Variants in STRIP2 observed in about 807,000 individuals in gnomAD.
The protein encoded by STRIP2 is striatin-interacting protein 2.
In STRIP2, 84 loss-of-function variants were observed where a neutral mutation model predicts 107.1. The ratio of observed to expected loss-of-function variants is 0.78; its 90% confidence interval spans 0.66 to 0.94. The LOEUF is 0.94. Ranked by LOEUF, STRIP2 falls within the 40% of genes least tolerant of loss-of-function variation. The probability of loss-of-function intolerance (pLI) is 0.00; values close to 1 mark genes in which losing one functional copy is unlikely to be tolerated. For synonymous variants in STRIP2, 394 were observed against 400.4 expected (o/e 0.98, Z 0.19); for missense variants, 888 against 1,034.2 (o/e 0.86, Z 1.94).
chr7:129,467,442 C>CA lies in STRIP2; in HGVS notation c.1874dup (p.Asn625LysfsTer22). The CA allele has an allele frequency of 6.2e-7, 1 of 1,611,548 alleles. No homozygotes were observed. The highest frequency in any genetic ancestry group is 8.5e-7 in the Non-Finnish European group (1 of 1,178,526). On this transcript the variant is annotated frameshift_variant, in exon 17 of 21. Transcript: ENST00000249344. LOFTEE classifies it high-confidence loss of function. ...AAAATATCTTGTCATACATCACTGC[C>CA]AAAAACAGGTATGAACTCTGGACAG...
In STRIP2 at chr7:129,454,136, T is replaced by A. The variant is rs757400568; in HGVS notation, c.531-6T>A. ...CATTCCTGTTCTTTTTCTCCTCCCC[T>A]GGCAGCAACAGCCAGGCCTGTAGCA... On this transcript the variant is annotated splice_polypyrimidine_tract_variant and splice_region_variant and intron_variant, in intron 5 of 20. Coordinates refer to ENST00000249344, the MANE Select transcript of STRIP2 (RefSeq NM_020704.3). 2.5e-6 allele frequency: 4 copies of A among 1,613,890 alleles called. No individual in the cohort carries two copies. The highest frequency in any genetic ancestry group is 3.4e-6 in the Non-Finnish European group (4 of 1,179,950).
intron 2 of STRIP2, among the ~76,000 whole-genome samples, chr7:129,440,883 G>A (rs903022625): frequency 6.6e-6 from 1 of 152,158 alleles, no homozygotes; most frequent in Non-Finnish European, 1.5e-5. Flanking sequence ...TCAGAGAAAA[G>A]AGACAAACAA....
At position 129,485,676 on chromosome 7, in the gene STRIP2, C is replaced by T. The variant is rs758939210; in HGVS notation, c.2352C>T (p.Asp784=). 5 of 1,614,074 alleles carry T rather than the reference C, an allele frequency of 3.1e-6. No homozygotes were observed. The highest frequency in any genetic ancestry group is 2.2e-5 in the East Asian group (1 of 44,864). The change falls in exon 21 of 21, where the codon GAC becomes GAT. Residue 784 remains aspartate (D), a synonymous_variant. Transcript: ENST00000249344. ...GCCGTCGCTATGACAGACCCCAGGA[C>T]TCTGAGTTTTCACCTGTGGATAACT... ...FNSRRYDRPQ[D]SEFSPVDNCL...
At chr7:129,456,102 T>C (rs1368190390) in intron 8 of STRIP2, among the ~76,000 whole-genome samples, 1 of 147,350 alleles carries the variant, frequency 6.8e-6, no homozygotes, top group Non-Finnish European at 1.5e-5. Context: ...TGGGGGTTTA[T>C]AGCACCTGGA....
At chr7:129,476,352 C>T (rs1366661883) in intron 18 of STRIP2, among the ~76,000 whole-genome samples, 1 of 140,552 alleles carries the variant, frequency 7.1e-6, no homozygotes. Context: ...GGGCGGCTGC[C>T]GGGCGGAGGG....
intron 18 of STRIP2, among the ~76,000 whole-genome samples, chr7:129,476,780 G>C (rs1172988488): frequency 6.6e-6 from 1 of 150,928 alleles, no homozygotes; most frequent in Non-Finnish European, 1.5e-5. Context: ...GGTGGCGGCC[G>C]GGCAGAGGCT....
chr7:129,455,438 A>C (rs1433163485), intron 8 of STRIP2, 67 bp downstream of exon 8: 8 of 1,549,058 alleles, frequency 5.2e-6, no homozygotes, highest in Non-Finnish European at 7.0e-6. Context: ...AGTTTCTTCT[A>C]GTCTCATTCC....
chr7:129,482,815 T>G, intron 19 of STRIP2, 27 bp from the exon 20 acceptor site: 2 of 1,611,066 alleles, frequency 1.2e-6, no homozygotes, highest in Non-Finnish European at 8.5e-7. Flanking sequence ...CGTTAGATCT[T>G]TACCCCACCC....
rs1037788383 is a variant in STRIP2, at chr7:129,487,336, CAT to C, written c.*1508_*1509del. ...AGCCTCTTCAAGCTTTTTTACTATACATGTTGCCCCTCTCCCCCAACTTAGGC... is the reference window on the plus strand; with the variant it reads ...AGCCTCTTCAAGCTTTTTTACTATACGTTGCCCCTCTCCCCCAACTTAGGC... On this transcript the variant is annotated 3_prime_UTR_variant, in exon 21 of 21. Coordinates refer to ENST00000249344, the MANE Select transcript of STRIP2 (RefSeq NM_020704.3). 6.6e-6 allele frequency: 1 copy of C among 152,048 alleles called. No homozygotes were observed. The highest frequency in any genetic ancestry group is 1.5e-5 in the Non-Finnish European group (1 of 68,004). The allele number at this position is 152,048 out of a possible 1,614,324, so 9.4% of individuals were successfully genotyped here. A position where few individuals can be genotyped will look rare whatever the true frequency, so the allele number is the denominator to read the frequency against.
intron 3 of STRIP2, among the ~76,000 whole-genome samples, chr7:129,445,997 C>T (rs1251239320): frequency 6.6e-6 from 1 of 152,172 alleles, no homozygotes; most frequent in African/African-American, 2.4e-5. Flanking sequence ...TGGCTGATCA[C>T]CCTGAGGAAT....
At chr7:129,464,212 C>A in intron 15 of STRIP2, 71 bp downstream of exon 15, 1 of 1,153,172 alleles carries the variant, frequency 8.7e-7, no homozygotes, top group Non-Finnish European at 1.3e-6. Context: ...AGTCCCCACT[C>A]ACCTTGTTAA....
At chr7:129,482,679 C>G (rs1004605861) in intron 19 of STRIP2, among the ~76,000 whole-genome samples, 163 bp from the exon 20 acceptor site, 1 of 151,956 alleles carries the variant, frequency 6.6e-6, no homozygotes, top group Non-Finnish European at 1.5e-5. Context: ...TGCCCAGCCC[C>G]CCTCTATATT....
chr7:129,460,492 G>A, intron 13 of STRIP2, 120 bp downstream of exon 13: 1 of 839,488 alleles, frequency 1.2e-6, no homozygotes, highest in Non-Finnish European at 2.0e-6. Flanking sequence ...TTCCAGGCAA[G>A]ACAAGGTCCC....
chr7:129,434,793 G>T (rs755298430), intron 1 of STRIP2, among the ~76,000 whole-genome samples, 192 bp downstream of exon 1: 1 of 152,242 alleles, frequency 6.6e-6, no homozygotes, highest in Non-Finnish European at 1.5e-5. Context: ...GTCTCCTGCC[G>T]CGGGTTGGGG....
At chr7:129,438,848 G>A (rs2150985341) in intron 1 of STRIP2, among the ~76,000 whole-genome samples, 1 of 152,262 alleles carries the variant, frequency 6.6e-6, no homozygotes, top group South Asian at 2.1e-4. Flanking sequence ...TTATTATAAA[G>A]GATATGACTC....
intron 2 of STRIP2, among the ~76,000 whole-genome samples, chr7:129,443,511 A>G (rs574413448): frequency 6.9e-4 from 105 of 152,268 alleles, no homozygotes; most frequent in Non-Finnish European, 1.3e-3. Context: ...CTAAACTTCT[A>G]TACCCTTTGA....
intron 19 of STRIP2, among the ~76,000 whole-genome samples, chr7:129,482,368 T>C (rs1799142963): frequency 8.9e-5 from 9 of 101,118 alleles, no homozygotes; most frequent in South Asian, 3.6e-4. Flanking sequence ...TATATATATA[T>C]ATATATATAT....
In STRIP2 at chr7:129,458,523, A is replaced by G. The variant is rs377567934; in HGVS notation, c.1274+73A>G. 33 of 1,358,982 alleles carry G rather than the reference A, an allele frequency of 2.4e-5. No homozygotes were observed. The African/African-American group carries it at 3.1e-4, about 13-fold the overall frequency. The allele number at this position is 1,358,982 out of a possible 1,614,324, so 84.2% of individuals were successfully genotyped here. On this transcript the variant is annotated intron_variant, in intron 10 of 20. Coordinates refer to ENST00000249344, the MANE Select transcript of STRIP2 (RefSeq NM_020704.3). The surrounding 1 kb of genome is among the most constrained non-coding windows in gnomAD (Gnocchi z 4.6). The stretch of plus-strand genomic sequence containing the variant: ...CCAAAGGCCCAAGATGGGGTAGTCT[A>G]TGTATTCAAGGCTCGTTAAGTTGGT...
At chr7:129,438,898 G>A (rs1312401710) in intron 1 of STRIP2, among the ~76,000 whole-genome samples, 2 of 152,194 alleles carry the variant, frequency 1.3e-5, no homozygotes, top group Non-Finnish European at 2.9e-5. Flanking sequence ...GACGAAGTAT[G>A]GGTTTGGGGT....
Sources: gnomAD v4.1 joint callset for allele counts (sites outside exome capture counted in the v4.1 genomes callset) on GRCh38, gnomAD v4.1.1 for gene constraint, Gnocchi (gnomAD v3.1) non-coding constraint, MANE v1.5 for transcripts, NCBI Gene and HGNC (gene_info 2026-07-23, HGNC 2026-07-21) for gene names.